FRMD4B: variants seen among roughly 807,000 people sequenced by gnomAD.
FRMD4B encodes the protein FERM domain containing 4B.
A neutral mutation model predicts 141.5 loss-of-function variants in FRMD4B; 74 were observed. That is an observed-to-expected ratio of 0.52 (90% CI 0.43 to 0.63). The LOEUF is 0.63. Among genes scored for constraint, FRMD4B ranks in the 30% least tolerant of loss-of-function variants. The pLI, the probability that FRMD4B is intolerant of heterozygous loss-of-function variation, is 0.00. For synonymous variants in FRMD4B, 506 were observed against 467.9 expected, an observed-to-expected ratio of 1.08 and a Z score of -1.05; for missense variants, 1,366 against 1,253.4, an observed-to-expected ratio of 1.09 and a Z score of -1.36.
In FRMD4B at chr3:69,195,078, T is replaced by G; in HGVS notation, c.1432A>C (p.Arg478=). 6.2e-7 allele frequency: 1 copy of G among 1,613,888 alleles called. No homozygotes were observed. The highest frequency in any genetic ancestry group is 8.5e-7 in the Non-Finnish European group (1 of 1,179,748). ...TTGAACGCAGTACCCACACGTCTTC[T>G]GACCTGAGGAGGCTTCTCGCCTATG... ...LNIGEKPPQV[R]RRVGTAFKLD... The change falls in exon 16 of 23, where the codon AGA becomes CGA. Residue 478 remains arginine, a synonymous_variant. Coordinates refer to ENST00000398540, the MANE Select transcript of FRMD4B (RefSeq NM_015123.3).
intron 1 of FRMD4B, among the ~76,000 whole-genome samples, chr3:69,480,412 T>C (rs978018137): frequency 6.6e-6 from 1 of 152,178 alleles, no homozygotes; most frequent in African/African-American, 2.4e-5. Context: ...TGTTTGTTAG[T>C]TTTCCTTCTA....
intron 5 of FRMD4B, among the ~76,000 whole-genome samples, chr3:69,267,008 T>C (rs967366328): frequency 6.6e-6 from 1 of 152,300 alleles, no homozygotes; most frequent in East Asian, 1.9e-4. Flanking sequence ...ATTATTAGAC[T>C]AGTGATTCTA....
intron 1 of FRMD4B, among the ~76,000 whole-genome samples, chr3:69,466,086 A>T (rs114944818): frequency 0.019 from 2,872 of 151,940 alleles, 41 homozygotes; most frequent in Non-Finnish European, 0.029. Context: ...TCTCATTCTA[A>T]GTGGCATGAG....
chr3:69,293,572 T>C (rs1165244117), intron 4 of FRMD4B, among the ~76,000 whole-genome samples: 2 of 151,958 alleles, frequency 1.3e-5, no homozygotes, highest in Non-Finnish European at 1.5e-5. Flanking sequence ...GCTTTAACTG[T>C]AACAACCAGA....
intron 1 of FRMD4B, among the ~76,000 whole-genome samples, chr3:69,519,919 T>G (rs1700824522): frequency 6.6e-6 from 1 of 150,590 alleles, no homozygotes; most frequent in Admixed American, 6.6e-5. Flanking sequence ...TTACTTCACT[T>G]AGAATAATAG....
chr3:69,289,854 T>A (rs1700815006), intron 4 of FRMD4B, among the ~76,000 whole-genome samples: 2 of 152,078 alleles, frequency 1.3e-5, no homozygotes, highest in South Asian at 2.1e-4. Context: ...CAATCACTGA[T>A]CAATGTTATT....
chr3:69,477,130 C>T (rs13313913), intron 1 of FRMD4B, among the ~76,000 whole-genome samples: 3,683 of 150,120 alleles, frequency 0.025, 165 homozygotes, highest in African/African-American at 0.085. Context: ...TTTCTAGATA[C>T]ACAATCATGT....
intron 2 of FRMD4B, among the ~76,000 whole-genome samples, chr3:69,419,396 C>T (rs533801318): frequency 6.6e-6 from 1 of 152,070 alleles, no homozygotes; most frequent in Admixed American, 6.5e-5. Flanking sequence ...CAGCCTCTTC[C>T]AGTGGAGCCA....
intron 1 of FRMD4B, among the ~76,000 whole-genome samples, chr3:69,356,704 T>A (rs946731618): frequency 6.6e-6 from 1 of 151,144 alleles, no homozygotes; most frequent in Non-Finnish European, 1.5e-5. Context: ...ATACACCCCA[T>A]ACCCATTAGT....
intron 1 of FRMD4B, among the ~76,000 whole-genome samples, chr3:69,446,742 C>T (rs1559529783): frequency 6.6e-6 from 1 of 152,214 alleles, no homozygotes; most frequent in Non-Finnish European, 1.5e-5. Flanking sequence ...AGACACATAT[C>T]TCACTCTCTG....
chr3:69,245,128 G>C (rs2093413545), intron 7 of FRMD4B, among the ~76,000 whole-genome samples: 2 of 152,164 alleles, frequency 1.3e-5, no homozygotes, highest in African/African-American at 4.8e-5. Flanking sequence ...CCTATGGAGT[G>C]TGTATTATAA....
intron 1 of FRMD4B, among the ~76,000 whole-genome samples, chr3:69,501,868 G>A (rs1023870004): frequency 6.6e-6 from 1 of 152,144 alleles, no homozygotes; most frequent in African/African-American, 2.4e-5. Flanking sequence ...AAAATCACAA[G>A]TATTCTTATA....
intron 4 of FRMD4B, among the ~76,000 whole-genome samples, chr3:69,288,082 G>C (rs1303080572): frequency 6.6e-6 from 1 of 152,160 alleles, no homozygotes; most frequent in African/African-American, 2.4e-5. Flanking sequence ...AACCCCAAAT[G>C]GTATTCAACC....
intron 1 of FRMD4B, among the ~76,000 whole-genome samples, chr3:69,528,821 A>G (rs1700971783): frequency 6.6e-6 from 1 of 151,848 alleles, no homozygotes; most frequent in African/African-American, 2.4e-5. Flanking sequence ...AAAAAGTACT[A>G]GCCTATTAAG....
chr3:69,348,190 G>A (rs1703012720), intron 1 of FRMD4B, among the ~76,000 whole-genome samples: 1 of 152,162 alleles, frequency 6.6e-6, no homozygotes, highest in African/African-American at 2.4e-5. Flanking sequence ...TACCATCAGA[G>A]AATACTATAA....
chr3:69,251,327 G>A (rs1425682211), intron 5 of FRMD4B, among the ~76,000 whole-genome samples: 1 of 152,176 alleles, frequency 6.6e-6, no homozygotes, highest in African/African-American at 2.4e-5. Flanking sequence ...CATCAATGGG[G>A]AGATTAAGTC....
intron 19 of FRMD4B, among the ~76,000 whole-genome samples, chr3:69,186,986 T>C (rs1236656224): frequency 6.6e-6 from 1 of 152,178 alleles, no homozygotes; most frequent in Admixed American, 6.5e-5. Context: ...AATATTTACC[T>C]GAGATATTTG....
chr3:69,204,558 T>C (rs1440495449), intron 11 of FRMD4B, among the ~76,000 whole-genome samples: 1 of 152,206 alleles, frequency 6.6e-6, no homozygotes, highest in African/African-American at 2.4e-5. Flanking sequence ...GATTTATTCT[T>C]TTTTCATTTT....
chr3:69,238,229 A>C (rs2093358966), intron 7 of FRMD4B, among the ~76,000 whole-genome samples: 2 of 152,242 alleles, frequency 1.3e-5, no homozygotes, highest in African/African-American at 2.4e-5. Flanking sequence ...ACAGGCAGCC[A>C]GTACATACCT....
Sources: gnomAD v4.1 joint callset for allele counts (sites outside exome capture counted in the v4.1 genomes callset) on GRCh38, gnomAD v4.1.1 for gene constraint, MANE v1.5 for transcripts, NCBI Gene and HGNC (gene_info 2026-07-23, HGNC 2026-07-21) for gene names.